CAST: variants seen among roughly 807,000 people sequenced by gnomAD.
CAST encodes MIR583 host.
CAST carries 76 observed loss-of-function variants against 119.6 expected under a neutral mutation model. The observed-to-expected ratio is 0.64, with a 90% CI of 0.53 to 0.77. The LOEUF is 0.77. Ranked by LOEUF, CAST falls within the 30% of genes least tolerant of loss-of-function variation. The pLI is 0.00. For synonymous variants in CAST, 319 were observed against 331.6 expected, an observed-to-expected ratio of 0.96 and a Z score of 0.41; for missense variants, 953 against 946.5, an observed-to-expected ratio of 1.01 and a Z score of -0.09.
chr5:96,495,602 CT>C, the CAST span, among the ~76,000 whole-genome samples: 1 of 152,112 alleles, frequency 6.6e-6, no homozygotes, highest in East Asian at 1.9e-4. Flanking sequence ...TGAACTCCTT[CT>C]TTTTTATGGC....
chr5:96,022,010 C>T, the CAST span, among the ~76,000 whole-genome samples: 10 of 152,052 alleles, frequency 6.6e-5, no homozygotes, highest in Non-Finnish European at 1.3e-4. Context: ...TTTTTTCTTT[C>T]CATTGTTATG....
chr5:96,132,617 T>C, the CAST span, among the ~76,000 whole-genome samples: 9 of 152,238 alleles, frequency 5.9e-5, no homozygotes, highest in Middle Eastern at 6.8e-3. Context: ...CTCTATGAGA[T>C]CTGTTTTGGC....
the CAST span, among the ~76,000 whole-genome samples, chr5:96,138,102 A>T: frequency 2.0e-5 from 3 of 151,970 alleles, no homozygotes; most frequent in Admixed American, 6.6e-5. Flanking sequence ...TTTCTTTTAG[A>T]AGTGTTATAA....
rs564963955 is a variant in CAST at position 96,727,459 on chromosome 5, CT to C, written c.337-23del. The C allele has an allele frequency of 1.6e-3, 2,056 of 1,321,634 alleles. 65 individuals are homozygous for C. The South Asian group carries it at 0.027, about 17-fold the overall frequency. 81.9% of individuals were successfully genotyped at this position (1,321,634 alleles called of 1,614,324 possible). A position where few individuals can be genotyped will look rare whatever the true frequency, so the allele number is the denominator to read the frequency against. On this transcript the variant is annotated intron_variant, in intron 5 of 31. Coordinates refer to ENST00000675179, the MANE Select transcript of CAST (RefSeq NM_001750.7). ...ATGTCTATCTTTCTTTTCTTCCTTCCTTTTTTTCTTTCTTTTTTTCTGAACT... is the reference window on the plus strand; with the variant it reads ...ATGTCTATCTTTCTTTTCTTCCTTCCTTTTTTCTTTCTTTTTTTCTGAACT...
chr5:96,696,687 A>G (rs1301813868), intron 3 of CAST, among the ~76,000 whole-genome samples: 1 of 37,262 alleles, frequency 2.7e-5, no homozygotes, highest in African/African-American at 7.5e-5. Flanking sequence ...TTTCTCTCCT[A>G]AAAAAAAAAA....
chr5:96,303,412 G>A, the CAST span, among the ~76,000 whole-genome samples: 1 of 152,016 alleles, frequency 6.6e-6, no homozygotes, highest in African/African-American at 2.4e-5. Context: ...ATAACATCAT[G>A]TCATCAACAA....
chr5:96,371,091 C>T, the CAST span, among the ~76,000 whole-genome samples: 1 of 152,166 alleles, frequency 6.6e-6, no homozygotes. Flanking sequence ...ACAAAGGAAA[C>T]AGCTGTTGAC....
the CAST span, among the ~76,000 whole-genome samples, chr5:96,005,931 G>T: frequency 6.6e-6 from 1 of 151,960 alleles, no homozygotes; most frequent in Non-Finnish European, 1.5e-5. Context: ...TTTTATTTTT[G>T]ATTTTCAAGA....
chr5:96,617,607 G>A (rs924504857), intron 1 of CAST, among the ~76,000 whole-genome samples: 1 of 151,616 alleles, frequency 6.6e-6, no homozygotes, highest in East Asian at 1.9e-4. Context: ...GGCTAACACA[G>A]TGAAACCCCG....
intron 1 of CAST, among the ~76,000 whole-genome samples, chr5:96,620,082 T>C (rs1747571371): frequency 6.6e-6 from 1 of 152,230 alleles, no homozygotes; most frequent in African/African-American, 2.4e-5. Context: ...GTAAGGAGAA[T>C]GGCAATCTAT....
At chr5:96,675,196 T>C (rs968913999) in intron 1 of CAST, among the ~76,000 whole-genome samples, 1 of 152,198 alleles carries the variant, frequency 6.6e-6, no homozygotes, top group Non-Finnish European at 1.5e-5. Context: ...AGATGAAACA[T>C]GGTTCTTATC....
the CAST span, among the ~76,000 whole-genome samples, chr5:96,063,496 A>G: frequency 6.6e-6 from 1 of 152,110 alleles, no homozygotes; most frequent in Non-Finnish European, 1.5e-5. Flanking sequence ...TGTTGATCCC[A>G]AGGATACTTT....
At chr5:96,616,603 C>T (rs1420753885) in intron 1 of CAST, among the ~76,000 whole-genome samples, 3 of 152,120 alleles carry the variant, frequency 2.0e-5, no homozygotes, top group Non-Finnish European at 2.9e-5. Context: ...GGGAAGAGAA[C>T]AGCAGCTTAG....
At chr5:96,370,163 T>C in the CAST span, among the ~76,000 whole-genome samples, 1 of 151,474 alleles carries the variant, frequency 6.6e-6, no homozygotes, top group African/African-American at 2.4e-5. Context: ...ATAATTAATT[T>C]AAAAAATAGT....
the CAST span, among the ~76,000 whole-genome samples, chr5:96,210,443 G>A: frequency 6.6e-6 from 1 of 151,918 alleles, no homozygotes; most frequent in Admixed American, 6.6e-5. Context: ...TATTGAAAAG[G>A]CTGTTCTTCC....
chr5:96,272,829 T>C, the CAST span, among the ~76,000 whole-genome samples: 1 of 152,190 alleles, frequency 6.6e-6, no homozygotes, highest in Non-Finnish European at 1.5e-5. Context: ...TTACAAATTA[T>C]ATGGATATAT....
chr5:96,710,736 G>T lies in CAST; in HGVS notation c.211-11903G>T, dbSNP rs142389317. On this transcript the variant is annotated intron_variant, in intron 3 of 31. Transcript: ENST00000675179. ...TATAGTTTCAATGATTAGAATTAGAGATCCTGTTTTCCCCCAGCAATATTA... is the reference window on the plus strand; with the variant it reads ...TATAGTTTCAATGATTAGAATTAGATATCCTGTTTTCCCCCAGCAATATTA... Among the ~76,000 whole-genome samples the T allele has an allele frequency of 5.6e-3, 848 of 152,136 alleles. 6 individuals carry two copies. Among genetic ancestry groups the T allele is most frequent in the Non-Finnish European group, 8.9e-3 (603 of 67,990 alleles).
At chr5:95,974,110 G>C in the CAST span, among the ~76,000 whole-genome samples, 1 of 152,066 alleles carries the variant, frequency 6.6e-6, no homozygotes, top group Non-Finnish European at 1.5e-5. Context: ...TTTCCAGGGA[G>C]CTACCAACTC....
intron 1 of CAST, among the ~76,000 whole-genome samples, chr5:96,626,362 T>A (rs1312315713): frequency 2.0e-5 from 3 of 152,208 alleles, no homozygotes; most frequent in Non-Finnish European, 4.4e-5. Context: ...TCCTCTCTCA[T>A]CTACAGCTTC....
Sources: gnomAD v4.1 joint callset for allele counts (sites outside exome capture counted in the v4.1 genomes callset) on GRCh38, gnomAD v4.1.1 for gene constraint, MANE v1.5 for transcripts, NCBI Gene and HGNC (gene_info 2026-07-23, HGNC 2026-07-21) for gene names.